The following RBFOX3 variants were observed in gnomAD, a reference collection of about 807,000 sequenced individuals.
RBFOX3 encodes the protein RNA binding fox-1 homolog 3, also known as RNA binding protein fox-1 homolog 3.
RBFOX3 carries 17 observed loss-of-function variants against 48.7 expected under a neutral mutation model. The ratio of observed to expected loss-of-function variants is 0.35; its 90% CI spans 0.24 to 0.52. The LOEUF is 0.52. Ranked by LOEUF, RBFOX3 falls within the 20% of genes least tolerant of loss-of-function variation. The pLI is 0.94. For synonymous variants in RBFOX3, 212 were observed against 209.5 expected, an observed-to-expected ratio of 1.01 and a Z score of -0.10; for missense variants, 382 against 497.5, an observed-to-expected ratio of 0.77 and a Z score of 2.21.
Position 79,103,080 on chromosome 17 carries a change from G to T in RBFOX3, c.507+82C>A. On this transcript the variant is annotated intron_variant, in intron 8 of 14. Coordinates refer to ENST00000693108, the MANE Select transcript of RBFOX3 (RefSeq NM_001350451.2). The surrounding 1 kb of genome is among the most constrained non-coding windows in gnomAD (Gnocchi z 6.1). The stretch of plus-strand genomic sequence containing the variant: ...CAGGCTCTCTGAAGGGTGCGGCAGT[G>T]GCAGGGCTGGTTGGTTGGGGGAGCT... 9.5e-7 allele frequency: 1 copy of T among 1,050,182 alleles called. No homozygotes were observed. The highest frequency in any genetic ancestry group is 1.4e-5 in the South Asian group (1 of 71,476). 65.1% of individuals were successfully genotyped at this position (1,050,182 alleles called of 1,614,324 possible).
chr17:79,258,459 C>T (rs1016666371), intron 3 of RBFOX3, among the ~76,000 whole-genome samples: 1 of 152,238 alleles, frequency 6.6e-6, no homozygotes, highest in Non-Finnish European at 1.5e-5. Flanking sequence ...TGTTATGATT[C>T]AGCATTTACT....
chr17:79,437,765 C>T (rs1371525407), intron 2 of RBFOX3, among the ~76,000 whole-genome samples: 2 of 152,252 alleles, frequency 1.3e-5, no homozygotes, highest in Non-Finnish European at 2.9e-5. Context: ...TGTCATCTCC[C>T]AAAGGGTATT....
intron 2 of RBFOX3, among the ~76,000 whole-genome samples, chr17:79,436,818 G>A (rs1204660138): frequency 3.3e-5 from 5 of 152,118 alleles, no homozygotes; most frequent in Non-Finnish European, 7.4e-5. Flanking sequence ...CAAGGCACTG[G>A]GACCTCACCA....
At chr17:79,449,209 T>C (rs1001496487) in intron 2 of RBFOX3, among the ~76,000 whole-genome samples, 6 of 152,100 alleles carry the variant, frequency 3.9e-5, no homozygotes, top group Admixed American at 2.0e-4. Context: ...TGTGTTTTTT[T>C]CAGCTTCTAT....
rs904227023 is a variant in RBFOX3 at position 79,223,550 on chromosome 17, C to T, written c.-34+12216G>A. Among the ~76,000 whole-genome samples the T allele has an allele frequency of 8.5e-5, 13 of 152,336 alleles. No homozygotes were observed. The East Asian group carries it at 1.4e-3, about 16-fold the overall frequency. On this transcript the variant is annotated intron_variant, in intron 4 of 14. Transcript: ENST00000693108. ...CCCTGCAGATCCTGGCATGGAAACC[C>T]GACCCTGCACTTGGGCCAGGCTGTG...
intron 4 of RBFOX3, among the ~76,000 whole-genome samples, chr17:79,192,177 C>T (rs2054650854): frequency 6.6e-6 from 1 of 152,166 alleles, no homozygotes; most frequent in African/African-American, 2.4e-5. Context: ...CCCAACACAA[C>T]TCTCCAGTTC....
chr17:79,097,749 A>C lies in RBFOX3; in HGVS notation c.569-4T>G. The C allele has an allele frequency of 6.4e-7, 1 of 1,551,278 alleles. No individual in the cohort carries two copies. Among genetic ancestry groups the C allele is most frequent in the Non-Finnish European group, 8.7e-7 (1 of 1,146,828 alleles). The stretch of plus-strand genomic sequence containing the variant: ...ACCACTGGATTTAGCTTCCAGCCTA[A>C]AACAAAGGCACAGAGACCTAGTCAC... On this transcript the variant is annotated splice_region_variant and splice_polypyrimidine_tract_variant and intron_variant, in intron 9 of 14. Transcript: ENST00000693108.
At chr17:79,381,615 G>A (rs1394346922) in intron 2 of RBFOX3, among the ~76,000 whole-genome samples, 2 of 152,344 alleles carry the variant, frequency 1.3e-5, no homozygotes, top group African/African-American at 2.4e-5. Context: ...GTGCGGAACA[G>A]GCACTTGGTG....
At chr17:79,110,272 T>C (rs752895970) in intron 5 of RBFOX3, among the ~76,000 whole-genome samples, 1 of 152,192 alleles carries the variant, frequency 6.6e-6, no homozygotes, top group Non-Finnish European at 1.5e-5. Flanking sequence ...CCGGCCATTA[T>C]GGACACCTCC....
At chr17:79,247,632 G>T (rs995614458) in intron 3 of RBFOX3, among the ~76,000 whole-genome samples, 5 of 152,056 alleles carry the variant, frequency 3.3e-5, no homozygotes, top group Non-Finnish European at 7.4e-5. Context: ...TTTAATTTAA[G>T]GCAACAACTA....
chr17:79,294,084 A>G (rs563653728), intron 3 of RBFOX3, among the ~76,000 whole-genome samples: 2 of 152,240 alleles, frequency 1.3e-5, no homozygotes, highest in Non-Finnish European at 2.9e-5. Context: ...GCAGCCTACT[A>G]TGCTCTTCAA....
chr17:79,516,778 G>C (rs895584488), intron 1 of RBFOX3, among the ~76,000 whole-genome samples: 1 of 152,218 alleles, frequency 6.6e-6, no homozygotes, highest in Admixed American at 6.5e-5. Context: ...ACGGATGGAC[G>C]CGATGCGCTG....
At chr17:79,579,782 T>TG (rs1176145382) in intron 1 of RBFOX3, among the ~76,000 whole-genome samples, 1 of 113,470 alleles carries the variant, frequency 8.8e-6, no homozygotes, top group Non-Finnish European at 1.8e-5. Flanking sequence ...GGCGCCGTGG[T>TG]GGGGGTGTCA....
At chr17:79,614,589 A>T (rs1887554064), upstream of RBFOX3, among the ~76,000 whole-genome samples, 1 of 152,196 alleles carries the variant, frequency 6.6e-6, no homozygotes, top group Non-Finnish European at 1.5e-5. Flanking sequence ...GAGGAAACAG[A>T]TATTAGGCAG....
intron 4 of RBFOX3, among the ~76,000 whole-genome samples, chr17:79,186,479 G>T (rs1049582244): frequency 2.0e-5 from 3 of 152,188 alleles, no homozygotes; most frequent in Admixed American, 2.0e-4. Flanking sequence ...CTGGCACCAG[G>T]GCGGTACGAA....
intron 4 of RBFOX3, among the ~76,000 whole-genome samples, chr17:79,178,456 G>A (rs889606602): frequency 4.6e-5 from 7 of 152,226 alleles, no homozygotes; most frequent in Admixed American, 1.3e-4. Context: ...TCAGGAGAAA[G>A]CGACATGGAC....
In RBFOX3 at chr17:79,382,729, C is replaced by T. The variant is rs966547548; in HGVS notation, c.-174-74905G>A. Among the ~76,000 whole-genome samples, 5 of 152,250 alleles carry T rather than the reference C, an allele frequency of 3.3e-5. No individual in the cohort carries two copies. In the East Asian group the frequency reaches 7.7e-4, roughly 23 times the overall value. On this transcript the variant is annotated intron_variant, in intron 2 of 14. Transcript: ENST00000693108. ...TGAATGCCATTCACCCAATGTGGTCCTGGGCAGCGCCCTCTTGCCTATCGC... is the reference window on the plus strand; with the variant it reads ...TGAATGCCATTCACCCAATGTGGTCTTGGGCAGCGCCCTCTTGCCTATCGC...
At chr17:79,110,903 G>A (rs925805160) in intron 5 of RBFOX3, among the ~76,000 whole-genome samples, 1 of 152,224 alleles carries the variant, frequency 6.6e-6, no homozygotes, top group African/African-American at 2.4e-5. Flanking sequence ...GGGGACCAGC[G>A]CCTCCTCTCT....
chr17:79,417,599 T>G (rs1197142005), intron 2 of RBFOX3, among the ~76,000 whole-genome samples: 1 of 152,218 alleles, frequency 6.6e-6, no homozygotes, highest in African/African-American at 2.4e-5. Context: ...GTGGGGAAGT[T>G]GCAACCCTCA....
Sources: allele counts gnomAD v4.1 joint callset (sites outside exome capture counted in the v4.1 genomes callset), GRCh38; gene constraint gnomAD v4.1.1; non-coding constraint Gnocchi (gnomAD v3.1); transcripts MANE v1.5; gene names NCBI Gene and HGNC (gene_info 2026-07-23, HGNC 2026-07-21).